Variants in ARHGEF38 observed in about 807,000 individuals in gnomAD.
The protein encoded by ARHGEF38 is Rho guanine nucleotide exchange factor 38.
Under a neutral mutation model 79.9 loss-of-function variants are expected in ARHGEF38, and 79 were observed. That is an observed-to-expected ratio of 0.99 (90% CI 0.82 to 1.19). The LOEUF (loss-of-function observed/expected upper bound fraction) is 1.19, where lower values mean the gene tolerates loss of function less well. Ranked by LOEUF, ARHGEF38 falls within the 50% of genes most tolerant of loss-of-function variation. The probability of loss-of-function intolerance (pLI) is 0.00; values close to 1 mark genes in which losing one functional copy is unlikely to be tolerated. For synonymous variants in ARHGEF38, 366 were observed against 328.3 expected, an observed-to-expected ratio of 1.11 and a Z score of -1.24; for missense variants, 962 against 907.2, an observed-to-expected ratio of 1.06 and a Z score of -0.78.
At position 105,679,730 on chromosome 4, in the gene ARHGEF38, C is replaced by T; in HGVS notation, c.*1793C>T. ...AAAGTAATTTGTGTTTTTTGTTCCA[C>T]ATGTCTTAGTTGACCTTTCTCTTGG... On this transcript the variant is annotated 3_prime_UTR_variant, in exon 14 of 14. Coordinates refer to ENST00000420470, the MANE Select transcript of ARHGEF38 (RefSeq NM_001242729.2). 1.2e-6 allele frequency: 1 copy of T among 822,616 alleles called. No homozygotes were observed. The highest frequency in any genetic ancestry group is 2.1e-6 in the Non-Finnish European group (1 of 467,598). 51.0% of individuals were successfully genotyped at this position (822,616 alleles called of 1,614,324 possible).
Position 105,657,962 on chromosome 4 carries a change from A to G in ARHGEF38, c.1234-1092A>G, listed in dbSNP as rs1730405395. On this transcript the variant is annotated intron_variant, in intron 9 of 13. Coordinates refer to ENST00000420470, the MANE Select transcript of ARHGEF38 (RefSeq NM_001242729.2). ...TTATCATAAAATATCATATAAGCAT[A>G]TATGATAAAGGGTAAAGTAGGGCAG... Among the ~76,000 whole-genome samples, 3 of 152,192 alleles carry G rather than the reference A, an allele frequency of 2.0e-5. No individual in the cohort carries two copies. In the South Asian group the frequency reaches 6.2e-4, roughly 31 times the overall value.
chr4:105,676,828 A>G (rs1182446993), intron 13 of ARHGEF38, among the ~76,000 whole-genome samples: 1 of 152,124 alleles, frequency 6.6e-6, no homozygotes, highest in African/African-American at 2.4e-5. Context: ...CTATAATTGT[A>G]CCATTCAAAG....
In ARHGEF38 at chr4:105,640,878, T is replaced by C. The variant is rs546920928; in HGVS notation, c.675-4310T>C. Among the ~76,000 whole-genome samples the C allele has an allele frequency of 1.6e-4, 25 of 152,244 alleles. No individual in the cohort carries two copies. The South Asian group carries it at 4.8e-3, about 29-fold the overall frequency. On this transcript the variant is annotated intron_variant, in intron 5 of 13. Coordinates refer to ENST00000420470, the MANE Select transcript of ARHGEF38 (RefSeq NM_001242729.2). The stretch of plus-strand genomic sequence containing the variant: ...TCCTAATTATGCATTTATACCTATG[T>C]GCTTATTTCTTTTTCTGAAGGATTA...
intron 2 of ARHGEF38, among the ~76,000 whole-genome samples, chr4:105,612,824 C>T (rs756030866): frequency 6.6e-6 from 1 of 152,034 alleles, no homozygotes; most frequent in Non-Finnish European, 1.5e-5. Context: ...AATAATTACA[C>T]TGGTTGTTAA....
intron 4 of ARHGEF38, among the ~76,000 whole-genome samples, chr4:105,632,042 G>C (rs1002527409): frequency 6.6e-6 from 1 of 152,124 alleles, no homozygotes. Context: ...CGGGGATGGG[G>C]ATGGGGATCC....
At chr4:105,627,444 C>A (rs1729481883) in intron 3 of ARHGEF38, among the ~76,000 whole-genome samples, 1 of 152,070 alleles carries the variant, frequency 6.6e-6, no homozygotes, top group African/African-American at 2.4e-5. Context: ...GTAAAGGGAA[C>A]AAATTGAAAC....
intron 3 of ARHGEF38, among the ~76,000 whole-genome samples, chr4:105,627,419 T>C (rs1728992386): frequency 6.6e-6 from 1 of 152,180 alleles, no homozygotes; most frequent in East Asian, 1.9e-4. Flanking sequence ...GAGTAGCATA[T>C]GTTTATTCAC....
intron 3 of ARHGEF38, among the ~76,000 whole-genome samples, chr4:105,624,239 C>T (rs147685564): frequency 6.6e-6 from 1 of 152,228 alleles, no homozygotes; most frequent in East Asian, 1.9e-4. Flanking sequence ...AAAATTTTTA[C>T]CAGAATATTC....
At chr4:105,644,774 T>C (rs1157775) in intron 5 of ARHGEF38, among the ~76,000 whole-genome samples, 20,194 of 152,210 alleles carry the variant, frequency 0.13, 2,039 homozygotes, top group African/African-American at 0.28. Context: ...TGCAAGCCTC[T>C]GTTAAGATTT....
At chr4:105,589,938 C>T (rs548110302) in intron 2 of ARHGEF38, among the ~76,000 whole-genome samples, 3 of 151,790 alleles carry the variant, frequency 2.0e-5, no homozygotes, top group Non-Finnish European at 4.4e-5. Flanking sequence ...ACTTGGGAAG[C>T]TGAGGCAAGA....
intron 10 of ARHGEF38, among the ~76,000 whole-genome samples, chr4:105,662,423 A>G (rs1056361173): frequency 6.6e-6 from 1 of 152,062 alleles, no homozygotes; most frequent in African/African-American, 2.4e-5. Flanking sequence ...AGTCAGATTT[A>G]TTAATTTCAT....
chr4:105,616,564 T>C (rs1728517891), intron 3 of ARHGEF38, among the ~76,000 whole-genome samples: 1 of 152,078 alleles, frequency 6.6e-6, no homozygotes, highest in Non-Finnish European at 1.5e-5. Context: ...ACCCCCATGA[T>C]TCAATCACCT....
At chr4:105,658,508 A>T (rs1730429544) in intron 9 of ARHGEF38, among the ~76,000 whole-genome samples, 1 of 152,160 alleles carries the variant, frequency 6.6e-6, no homozygotes, top group Non-Finnish European at 1.5e-5. Flanking sequence ...AGGGGATATA[A>T]TTCCACTATC....
chr4:105,575,912 T>C (rs1343115107), intron 1 of ARHGEF38, among the ~76,000 whole-genome samples: 3 of 152,188 alleles, frequency 2.0e-5, no homozygotes, highest in Non-Finnish European at 4.4e-5. Context: ...GAGTTTCCTT[T>C]TCCCAATTTA....
chr4:105,666,407 T>TA (rs1450241160), intron 11 of ARHGEF38, 87 bp downstream of exon 11: 4 of 1,311,094 alleles, frequency 3.1e-6, no homozygotes, highest in Non-Finnish European at 4.0e-6. Flanking sequence ...CCAGATCACT[T>TA]ATCTCATTCT....
intron 1 of ARHGEF38, among the ~76,000 whole-genome samples, chr4:105,583,684 C>T (rs1358915464): frequency 6.6e-6 from 1 of 152,132 alleles, no homozygotes; most frequent in African/African-American, 2.4e-5. Flanking sequence ...TCTTCCCCAA[C>T]TAGAAGTAAA....
chr4:105,599,136 A>G (rs1276698076), intron 2 of ARHGEF38, among the ~76,000 whole-genome samples: 1 of 152,114 alleles, frequency 6.6e-6, no homozygotes, highest in Non-Finnish European at 1.5e-5. Context: ...TTTTCTTTTT[A>G]TGGGAAGGAA....
intron 7 of ARHGEF38, among the ~76,000 whole-genome samples, chr4:105,649,158 A>G (rs1177689145): frequency 6.6e-6 from 1 of 152,076 alleles, no homozygotes; most frequent in Admixed American, 6.6e-5. Flanking sequence ...ACTTAGTGCA[A>G]TTATTTTTTC....
chr4:105,596,651 G>A (rs1727593533), intron 2 of ARHGEF38, among the ~76,000 whole-genome samples: 1 of 152,214 alleles, frequency 6.6e-6, no homozygotes, highest in African/African-American at 2.4e-5. Context: ...AGTGAAACTT[G>A]TATATCCCTT....
Sources: gnomAD v4.1 joint callset for allele counts (sites outside exome capture counted in the v4.1 genomes callset) on GRCh38, gnomAD v4.1.1 for gene constraint, MANE v1.5 for transcripts, NCBI Gene and HGNC (gene_info 2026-07-23, HGNC 2026-07-21) for gene names.